Variants in NAV2 observed in about 807,000 individuals in gnomAD.
The protein encoded by NAV2 is helicase, APC down-regulated 1.
NAV2 carries 54 observed loss-of-function variants against 223.2 expected under a neutral mutation model. That is an observed-to-expected ratio of 0.24 (90% CI 0.19 to 0.30). The LOEUF is 0.30. Among genes scored for constraint, NAV2 ranks in the 10% least tolerant of loss-of-function variants. NAV2 has a pLI of 1.00. For missense variants in NAV2, 2,806 were observed against 3,147.5 expected, an observed-to-expected ratio of 0.89 and a Z score of 2.60; for synonymous variants, 1,279 against 1,239.3, an observed-to-expected ratio of 1.03 and a Z score of -0.67.
chr11:19,936,499 GC>G (rs2045919589), intron 7 of NAV2, among the ~76,000 whole-genome samples: 1 of 152,172 alleles, frequency 6.6e-6, no homozygotes, highest in South Asian at 2.1e-4. Flanking sequence ...GATCTGACTA[GC>G]CCCGTTTTTA....
intron 5 of NAV2, among the ~76,000 whole-genome samples, chr11:19,889,681 G>A (rs1205973746): frequency 6.6e-6 from 1 of 152,148 alleles, no homozygotes; most frequent in Non-Finnish European, 1.5e-5. Context: ...TCAGTGAAAA[G>A]AATCTGACCA....
At chr11:19,479,946 T>G (rs2042229730) in intron 1 of NAV2, among the ~76,000 whole-genome samples, 1 of 152,198 alleles carries the variant, frequency 6.6e-6, no homozygotes, top group African/African-American at 2.4e-5. Context: ...GTGGTCCATC[T>G]GCAGATTGGC....
chr11:19,937,265 G>C (rs1341785764), intron 7 of NAV2, among the ~76,000 whole-genome samples: 2 of 152,032 alleles, frequency 1.3e-5, no homozygotes, highest in Non-Finnish European at 2.9e-5. Context: ...GATTAGATTA[G>C]ATTCTATAAA....
At chr11:19,819,031 C>T (rs1441022343) in intron 1 of NAV2, among the ~76,000 whole-genome samples, 1 of 152,174 alleles carries the variant, frequency 6.6e-6, no homozygotes. Context: ...CCCTCCCTTC[C>T]TCCATCCATT....
intron 22 of NAV2, among the ~76,000 whole-genome samples, chr11:20,071,098 C>T (rs2059375977): frequency 9.7e-6 from 1 of 103,398 alleles, no homozygotes; most frequent in Non-Finnish European, 1.9e-5. Flanking sequence ...AATACTATCC[C>T]TCCCCTAGCC....
intron 1 of NAV2, among the ~76,000 whole-genome samples, chr11:19,496,149 T>C (rs1362296294): frequency 6.6e-6 from 1 of 152,246 alleles, no homozygotes; most frequent in African/African-American, 2.4e-5. Context: ...ACAAAGTGAC[T>C]ATTTTTCTCA....
At chr11:19,459,207 G>T (rs948738127) in intron 1 of NAV2, among the ~76,000 whole-genome samples, 1 of 152,188 alleles carries the variant, frequency 6.6e-6, no homozygotes, top group South Asian at 2.1e-4. Context: ...TGAATTGACC[G>T]GGGGTAGCTG....
intron 3 of NAV2, among the ~76,000 whole-genome samples, chr11:19,858,295 C>T (rs1380547550): frequency 6.6e-6 from 1 of 152,208 alleles, no homozygotes; most frequent in Non-Finnish European, 1.5e-5. Flanking sequence ...CACGTATAAA[C>T]AAGATCATGC....
chr11:19,629,278 G>A (rs1479409764), intron 1 of NAV2, among the ~76,000 whole-genome samples: 2 of 152,010 alleles, frequency 1.3e-5, no homozygotes, highest in African/African-American at 4.8e-5. Flanking sequence ...TTTAGGCAGA[G>A]CCATTCAGTC....
At chr11:19,893,459 C>T (rs925564982) in intron 6 of NAV2, among the ~76,000 whole-genome samples, 2 of 152,098 alleles carry the variant, frequency 1.3e-5, no homozygotes, top group African/African-American at 4.8e-5. Flanking sequence ...ATTTCCCTGA[C>T]GTCCAGGAAA....
chr11:19,760,012 T>C (rs1327152771), intron 1 of NAV2: 1 of 154,196 alleles, frequency 6.5e-6, no homozygotes, highest in Non-Finnish European at 1.5e-5. Flanking sequence ...TCCAAATACA[T>C]AGGTGTTATC....
At chr11:19,879,217 A>G (rs2063045286) in intron 4 of NAV2, among the ~76,000 whole-genome samples, 1 of 152,194 alleles carries the variant, frequency 6.6e-6, no homozygotes, top group Non-Finnish European at 1.5e-5. Context: ...GCATTTTAAC[A>G]TTGAAAAATA....
At chr11:19,446,350 A>G (rs1851582505) in intron 1 of NAV2, among the ~76,000 whole-genome samples, 1 of 152,100 alleles carries the variant, frequency 6.6e-6, no homozygotes, top group South Asian at 2.1e-4. Flanking sequence ...CAATTTAAAT[A>G]CAAATTTTGC....
intron 1 of NAV2, among the ~76,000 whole-genome samples, chr11:19,609,250 A>G (rs2046565503): frequency 6.6e-6 from 1 of 152,212 alleles, no homozygotes; most frequent in Non-Finnish European, 1.5e-5. Context: ...CTGCAGGCAT[A>G]TTTTAGCCAT....
At chr11:19,392,185 T>C (rs1935457009) in intron 1 of NAV2, among the ~76,000 whole-genome samples, 1 of 152,220 alleles carries the variant, frequency 6.6e-6, no homozygotes, top group African/African-American at 2.4e-5. Flanking sequence ...GTTCAAGTCC[T>C]GATTGTGCTC....
chr11:19,979,376 C>G (rs2153445568), intron 10 of NAV2, among the ~76,000 whole-genome samples: 1 of 152,280 alleles, frequency 6.6e-6, no homozygotes, highest in East Asian at 1.9e-4. Flanking sequence ...AAACCATCCC[C>G]CAGGTCCCAT....
At position 19,713,764 on chromosome 11, in the gene NAV2, C is replaced by T. The variant is rs2050033321; in HGVS notation, c.69C>T (p.Pro23=). 1 of 1,612,650 alleles carries T rather than the reference C, an allele frequency of 6.2e-7. No homozygotes were observed. Among genetic ancestry groups the T allele is most frequent in the African/African-American group, 1.3e-5 (1 of 74,944 alleles). ...GLPKPVHSAA[P]ILHVPPARAG... Reference sequence around the variant, plus strand: ...CCAAACCCGTGCACAGCGCCGCGCCCATCCTGCACGTGCCCCCGGCCCGGG... The same window carrying T: ...CCAAACCCGTGCACAGCGCCGCGCCTATCCTGCACGTGCCCCCGGCCCGGG... The change falls in exon 1 of 38, where the codon CCC becomes CCT. Residue 23 remains proline, a synonymous_variant. Transcript: ENST00000349880. This position sits in a 1 kb window ranked among gnomAD's most constrained non-coding sequence, Gnocchi z 7.2.
intron 6 of NAV2, among the ~76,000 whole-genome samples, chr11:19,932,206 T>A (rs1251757373): frequency 8.9e-6 from 1 of 111,796 alleles, no homozygotes; most frequent in Non-Finnish European, 1.6e-5. Flanking sequence ...TGGCCCACAG[T>A]GAACCCATTG....
At chr11:19,763,832 C>A (rs573047395) in intron 1 of NAV2, among the ~76,000 whole-genome samples, 1 of 150,650 alleles carries the variant, frequency 6.6e-6, no homozygotes, top group Admixed American at 6.6e-5. Flanking sequence ...AGTTACATAC[C>A]CCTTTGGTAA....
Sources: gnomAD v4.1 joint callset for allele counts (sites outside exome capture counted in the v4.1 genomes callset) on GRCh38, gnomAD v4.1.1 for gene constraint, Gnocchi (gnomAD v3.1) non-coding constraint, MANE v1.5 for transcripts, NCBI Gene and HGNC (gene_info 2026-07-23, HGNC 2026-07-21) for gene names.